GSE1: variants seen among roughly 807,000 people sequenced by gnomAD.
GSE1 encodes the protein genetic suppressor element 1.
A neutral mutation model predicts 112.6 loss-of-function variants in GSE1; 32 were observed. That is an observed-to-expected ratio of 0.28 (90% CI 0.21 to 0.38). The LOEUF is 0.38. GSE1 is among the 10% of genes least tolerant of loss of function. GSE1 has a pLI of 1.00. For synonymous variants in GSE1, 1,115 were observed against 735.6 expected (o/e 1.52, Z -8.35); for missense variants, 2,348 against 1,699.2 (o/e 1.38, Z -6.71).
intron 2 of GSE1, among the ~76,000 whole-genome samples, chr16:85,494,400 T>C (rs2051104957): frequency 1.3e-5 from 2 of 152,086 alleles, no homozygotes; most frequent in African/African-American, 4.8e-5. Flanking sequence ...AAAATGACCT[T>C]ATCCTTAGTA....
At chr16:85,259,024 GAGA>G (rs1257112078) in intron 1 of GSE1, among the ~76,000 whole-genome samples, 2 of 152,314 alleles carry the variant, frequency 1.3e-5, no homozygotes, top group Admixed American at 6.5e-5. Flanking sequence ...CCAGGCTGGG[GAGA>G]AGTTCCCCAG....
chr16:85,286,910 G>C (rs528855941), intron 1 of GSE1, among the ~76,000 whole-genome samples: 1 of 152,362 alleles, frequency 6.6e-6, no homozygotes, highest in East Asian at 1.9e-4. Context: ...CTAGGGCCGG[G>C]TCGGAAGCAG....
chr16:85,665,200 A>C, intron 12 of GSE1, 72 bp downstream of exon 12: 2 of 821,842 alleles, frequency 2.4e-6, no homozygotes, highest in Non-Finnish European at 4.1e-6. Context: ...AGAGGCGACC[A>C]CTCGAGGTCT....
chr16:85,654,388 C>T lies in GSE1; in HGVS notation c.537C>T (p.Thr179=), dbSNP rs755443847. Residue 179 remains threonine, a synonymous_variant, in exon 4 of 16, where the codon ACC becomes ACT. Transcript: ENST00000253458. ...CCATCCCCTCGCACCTGCTCAGCAC[C>T]CCCTACCCCTTCGGCCTCTCCCCCA... is the stretch of plus-strand genomic sequence containing the variant. ...GPAIPSHLLS[T]PYPFGLSPSS... 10 of 1,609,158 alleles carry T rather than the reference C, an allele frequency of 6.2e-6. No individual in the cohort carries two copies. In the South Asian group the frequency reaches 9.9e-5, roughly 16 times the overall value.
At chr16:85,583,936 A>T (rs767873112) in intron 1 of GSE1, among the ~76,000 whole-genome samples, 1 of 152,106 alleles carries the variant, frequency 6.6e-6, no homozygotes, top group Non-Finnish European at 1.5e-5. Flanking sequence ...TGAGTACAAA[A>T]CGCTGTTTCA....
Position 85,548,341 on chromosome 16 carries a change from A to C in GSE1, c.2465-85573A>C, listed in dbSNP as rs116504184. ...TAAACTATAGTCACCCTACTGATCT[A>C]TAGAACACTAGGTCTTCTTTTTTTT... On this transcript the variant is annotated intron_variant, in intron 2 of 2. Transcript: ENST00000637419. Among the ~76,000 whole-genome samples, 814 of 151,646 alleles carry C rather than the reference A, an allele frequency of 5.4e-3. 9 individuals are homozygous for C. The highest frequency in any genetic ancestry group is 0.017 in the African/African-American group (722 of 41,388).
intron 1 of GSE1, among the ~76,000 whole-genome samples, chr16:85,262,594 A>G (rs1464157942): frequency 2.6e-5 from 4 of 152,204 alleles, no homozygotes; most frequent in East Asian, 1.9e-4. Context: ...TGTCAGCAGG[A>G]GAAGGACGCA....
At chr16:85,625,485 C>T (rs978133602) in intron 1 of GSE1, among the ~76,000 whole-genome samples, 11 of 152,180 alleles carry the variant, frequency 7.2e-5, no homozygotes, top group African/African-American at 1.9e-4. Context: ...ACCTGGGAAG[C>T]CCCTCCAGGT....
At chr16:85,200,833 C>T (rs376374944) in intron 1 of GSE1, among the ~76,000 whole-genome samples, 5 of 152,150 alleles carry the variant, frequency 3.3e-5, no homozygotes, top group East Asian at 1.9e-4. Flanking sequence ...CACCACCGTC[C>T]GTCACCAGAA....
intron 1 of GSE1, among the ~76,000 whole-genome samples, chr16:85,589,896 G>A (rs186965102): frequency 1.3e-5 from 2 of 152,202 alleles, no homozygotes; most frequent in African/African-American, 4.8e-5. Flanking sequence ...GAAGGAATGT[G>A]TGTGATGTGA....
At chr16:85,595,407 G>A (rs778753695) in intron 1 of GSE1, 12 of 152,196 alleles carry the variant, frequency 7.9e-5, no homozygotes, top group East Asian at 1.9e-4. Context: ...GCCCCTCTGC[G>A]GAGACTTAGA....
intron 1 of GSE1, among the ~76,000 whole-genome samples, chr16:85,297,223 C>T (rs1022458829): frequency 1.3e-5 from 2 of 152,250 alleles, no homozygotes; most frequent in African/African-American, 2.4e-5. Flanking sequence ...CTCGGAGCAT[C>T]TGTACAGAAG....
chr16:85,402,746 AC>A (rs1043282910), intron 2 of GSE1, among the ~76,000 whole-genome samples: 7 of 151,944 alleles, frequency 4.6e-5, no homozygotes, highest in African/African-American at 1.7e-4. Context: ...ACATAGTGAA[AC>A]CCTGTCTCTA....
At chr16:85,304,692 G>A (rs963300352) in intron 1 of GSE1, among the ~76,000 whole-genome samples, 1 of 151,706 alleles carries the variant, frequency 6.6e-6, no homozygotes, top group South Asian at 2.1e-4. Context: ...CAGCTGGGCC[G>A]TGATGTTCCT....
rs1445986193 is a variant in GSE1 at position 85,663,005 on chromosome 16, C to G, written c.2285C>G (p.Ser762Cys). ...GGGTACTACTACGACCTCGATGACT[C>G]TTACGACGAGAGCGATGAGGAGGAG... is the stretch of plus-strand genomic sequence containing the variant. The part of the protein sequence containing the change: ...EKGYYYDLDD[S>C]YDESDEEEVR... The change falls in exon 10 of 16, where the codon TCT (serine) becomes TGT (cysteine). Residue 762 changes from serine to cysteine, a missense_variant. Coordinates refer to ENST00000253458, the MANE Select transcript of GSE1 (RefSeq NM_014615.5). 2 of 1,612,250 alleles carry G rather than the reference C, an allele frequency of 1.2e-6. No homozygotes were observed. Among genetic ancestry groups the G allele is most frequent in the East Asian group, 2.2e-5 (1 of 44,890 alleles).
intron 1 of GSE1, among the ~76,000 whole-genome samples, chr16:85,631,878 C>T (rs549919191): frequency 6.6e-5 from 10 of 152,376 alleles, no homozygotes; most frequent in Admixed American, 5.2e-4. Context: ...CCAATGGACC[C>T]GCTGCGCCTC....
At chr16:85,366,418 CT>C (rs1275290401) in intron 2 of GSE1, among the ~76,000 whole-genome samples, 1 of 152,282 alleles carries the variant, frequency 6.6e-6, no homozygotes, top group African/African-American at 2.4e-5. Context: ...GATCCATAGT[CT>C]GTTTCCCTCT....
intron 1 of GSE1, among the ~76,000 whole-genome samples, chr16:85,185,935 G>A (rs555295441): frequency 3.9e-5 from 6 of 152,356 alleles, no homozygotes; most frequent in African/African-American, 1.2e-4. Flanking sequence ...TGCCGAGGGC[G>A]CGGAGGCCTG....
intron 2 of GSE1, among the ~76,000 whole-genome samples, chr16:85,538,997 C>T (rs751634820): frequency 2.0e-5 from 3 of 152,198 alleles, no homozygotes; most frequent in Admixed American, 1.3e-4. Flanking sequence ...CCATGGCATC[C>T]GCCCTGGGTG....
Sources: gnomAD v4.1 joint callset for allele counts (sites outside exome capture counted in the v4.1 genomes callset) on GRCh38, gnomAD v4.1.1 for gene constraint, MANE v1.5 for transcripts, NCBI Gene and HGNC (gene_info 2026-07-23, HGNC 2026-07-21) for gene names.